PTK2: variants seen among roughly 807,000 people sequenced by gnomAD.
PTK2 encodes the protein protein tyrosine kinase 2.
A neutral mutation model predicts 150.1 loss-of-function variants in PTK2; 45 were observed. The observed-to-expected ratio is 0.30, with a 90% CI of 0.24 to 0.38. The LOEUF (loss-of-function observed/expected upper bound fraction) is 0.38, where lower values mean the gene tolerates loss of function less well. PTK2 is among the 10% of genes least tolerant of loss of function. The pLI, the probability that PTK2 is intolerant of heterozygous loss-of-function variation, is 1.00. For missense variants in PTK2, 919 were observed against 1,307.3 expected, an observed-to-expected ratio of 0.70 and a Z score of 4.58; for synonymous variants, 432 against 449.2, an observed-to-expected ratio of 0.96 and a Z score of 0.48.
chr8:140,799,080 C>T (rs1016338650), intron 12 of PTK2: 1 of 152,214 alleles, frequency 6.6e-6, no homozygotes, highest in African/African-American at 2.4e-5. Context: ...TGGAATCACA[C>T]AGATTTATGT....
intron 1 of PTK2, among the ~76,000 whole-genome samples, chr8:140,949,323 A>G (rs1454664977): frequency 6.6e-6 from 1 of 152,196 alleles, no homozygotes; most frequent in Non-Finnish European, 1.5e-5. Context: ...TGCTGCCAAG[A>G]CACAGGCTGC....
At chr8:140,688,870 A>G (rs1343140735) in intron 26 of PTK2, among the ~76,000 whole-genome samples, 2 of 152,218 alleles carry the variant, frequency 1.3e-5, no homozygotes, top group African/African-American at 4.8e-5. Flanking sequence ...TGCAGATGTG[A>G]TATATATAAC....
At chr8:140,668,678 T>G (rs1388910417) in intron 29 of PTK2, 1 of 325,540 alleles carries the variant, frequency 3.1e-6, no homozygotes, top group South Asian at 8.2e-5. Context: ...CATATTATAC[T>G]AAAAACCCCA....
chr8:140,756,329 A>G (rs550566835), intron 16 of PTK2, among the ~76,000 whole-genome samples: 1 of 151,748 alleles, frequency 6.6e-6, no homozygotes, highest in South Asian at 2.1e-4. Flanking sequence ...TCTCAAAAAA[A>G]AAAAAAAAGA....
chr8:140,882,001 G>A (rs939672339), intron 3 of PTK2, among the ~76,000 whole-genome samples: 3 of 152,154 alleles, frequency 2.0e-5, no homozygotes, highest in Non-Finnish European at 2.9e-5. Flanking sequence ...GAGCAAACCA[G>A]CTTTCAACTT....
chr8:140,680,002 G>A (rs541751955), intron 27 of PTK2, among the ~76,000 whole-genome samples: 19 of 152,288 alleles, frequency 1.2e-4, no homozygotes, highest in Admixed American at 2.6e-4. Flanking sequence ...CTGGCTACCG[G>A]TGCATAAATG....
Position 140,665,097 on chromosome 8 carries a change from C to T in PTK2, c.2866-100G>A. 2.8e-6 allele frequency: 3 copies of T among 1,087,304 alleles called. No homozygotes were observed. In the South Asian group the frequency reaches 4.7e-5, roughly 17 times the overall value. 67.4% of individuals were successfully genotyped at this position (1,087,304 alleles called of 1,614,324 possible). On this transcript the variant is annotated intron_variant, in intron 30 of 31. Transcript: ENST00000522684. Reference sequence around the variant, plus strand: ...TATTTCCTTTCCACAAGTTTCAAGGCAAATTTCTGTATTTCTTTTTCTCAG... The same window carrying T: ...TATTTCCTTTCCACAAGTTTCAAGGTAAATTTCTGTATTTCTTTTTCTCAG...
At chr8:140,848,386 C>CA (rs1458781192) in intron 5 of PTK2, among the ~76,000 whole-genome samples, 26 of 152,336 alleles carry the variant, frequency 1.7e-4, no homozygotes, top group African/African-American at 5.8e-4. Context: ...CTATTCGTCT[C>CA]AAAACCTTTC....
chr8:140,983,314 G>A (rs2100192141), intron 1 of PTK2, among the ~76,000 whole-genome samples: 1 of 149,850 alleles, frequency 6.7e-6, no homozygotes, highest in South Asian at 2.1e-4. Flanking sequence ...TTGAACCCAG[G>A]AGGTGAAGGT....
chr8:140,981,192 A>T (rs2100191293), intron 1 of PTK2, among the ~76,000 whole-genome samples: 1 of 152,150 alleles, frequency 6.6e-6, no homozygotes, highest in Admixed American at 6.5e-5. Flanking sequence ...GAACAGAGAA[A>T]CATTTTGCCC....
chr8:140,744,243 A>AT (rs2100057426), intron 19 of PTK2, among the ~76,000 whole-genome samples: 1 of 152,100 alleles, frequency 6.6e-6, no homozygotes, highest in Non-Finnish European at 1.5e-5. Context: ...GATGTCACTC[A>AT]TAAGGTTGTG....
chr8:140,702,289 G>A (rs187969416), intron 25 of PTK2, among the ~76,000 whole-genome samples: 2 of 146,426 alleles, frequency 1.4e-5, no homozygotes, highest in African/African-American at 5.1e-5. Flanking sequence ...GCATGATCTC[G>A]GCTCACTGCA....
At chr8:140,920,963 G>C in intron 2 of PTK2, 2 of 1,396,986 alleles carry the variant, frequency 1.4e-6, no homozygotes, top group Admixed American at 6.7e-5. Context: ...CAAAGTCCCA[G>C]TTCCTCGCTG....
chr8:140,857,182 T>C (rs903501588), intron 5 of PTK2, among the ~76,000 whole-genome samples: 8 of 152,216 alleles, frequency 5.3e-5, no homozygotes, highest in African/African-American at 1.9e-4. Context: ...CCTTCTTATA[T>C]ACTATTAGCA....
At chr8:140,812,569 G>A (rs1377477215) in intron 10 of PTK2, among the ~76,000 whole-genome samples, 1 of 152,068 alleles carries the variant, frequency 6.6e-6, no homozygotes, top group Non-Finnish European at 1.5e-5. Context: ...TGGGCTAAAT[G>A]CCCCCATTAA....
At position 140,796,168 on chromosome 8, in the gene PTK2, C is replaced by A. The variant is rs539645381; in HGVS notation, c.1094-2784G>T. The stretch of plus-strand genomic sequence containing the variant: ...AGAAAGAAATAAATCAACCTAGGAC[C>A]CCGTGTTACTCTTTCTGAAAAACTG... On this transcript the variant is annotated intron_variant, in intron 12 of 31. Coordinates refer to ENST00000522684, the Ensembl canonical transcript of PTK2. 3.3e-5 allele frequency among the ~76,000 whole-genome samples: 5 copies of A among 152,264 alleles called. No individual in the cohort carries two copies. In the South Asian group the frequency reaches 1.0e-3, roughly 32 times the overall value.
intron 4 of PTK2, among the ~76,000 whole-genome samples, chr8:140,875,376 G>GA (rs1407625517): frequency 6.6e-6 from 1 of 152,184 alleles, no homozygotes; most frequent in African/African-American, 2.4e-5. Context: ...CATCACATCA[G>GA]ATCCCAACTT....
chr8:140,946,396 G>GA (rs1196952823), intron 1 of PTK2, among the ~76,000 whole-genome samples: 1 of 152,126 alleles, frequency 6.6e-6, no homozygotes, highest in African/African-American at 2.4e-5. Context: ...GAAGATGGGG[G>GA]AGAGGAAAGA....
chr8:140,669,754 T>G lies in PTK2; in HGVS notation c.2710-1330A>C, dbSNP rs1589154758. ...TCCATGGCTATTGTCGAACGGAAGGTGAGGAAAAGTTAAAGGAATTTATCA... is the reference window on the plus strand; with the variant it reads ...TCCATGGCTATTGTCGAACGGAAGGGGAGGAAAAGTTAAAGGAATTTATCA... On this transcript the variant is annotated intron_variant, in intron 29 of 31. Coordinates refer to ENST00000522684, the Ensembl canonical transcript of PTK2. 1 of 1,531,074 alleles carries G rather than the reference T, an allele frequency of 6.5e-7. No individual in the cohort carries two copies. Among genetic ancestry groups the G allele is most frequent in the African/African-American group, 1.4e-5 (1 of 72,622 alleles). The allele number at this position is 1,531,074 out of a possible 1,614,324, so 94.8% of individuals were successfully genotyped here.
Sources: gnomAD v4.1 joint callset for allele counts (sites outside exome capture counted in the v4.1 genomes callset) on GRCh38, gnomAD v4.1.1 for gene constraint, MANE v1.5 for transcripts, NCBI Gene and HGNC (gene_info 2026-07-23, HGNC 2026-07-21) for gene names.